The following LMX1A variants were observed in gnomAD, a reference collection of about 807,000 sequenced individuals.
The protein encoded by LMX1A is LIM homeobox transcription factor 1 alpha, also known as LIM homeobox transcription factor 1-alpha.
LMX1A carries 15 observed loss-of-function variants against 49.1 expected under a neutral mutation model. The ratio of observed to expected loss-of-function variants is 0.31; its 90% confidence interval spans 0.20 to 0.47. The LOEUF (loss-of-function observed/expected upper bound fraction) is 0.47, where lower values mean the gene tolerates loss of function less well. Among genes scored for constraint, LMX1A ranks in the 20% least tolerant of loss-of-function variants. The pLI is 1.00. For missense variants in LMX1A, 372 were observed against 475.8 expected, an observed-to-expected ratio of 0.78 and a Z score of 2.03; for synonymous variants, 167 against 185.7, an observed-to-expected ratio of 0.90 and a Z score of 0.82.
At chr1:165,318,481 T>C (rs1655285133) in intron 3 of LMX1A, among the ~76,000 whole-genome samples, 1 of 151,212 alleles carries the variant, frequency 6.6e-6, no homozygotes, top group Non-Finnish European at 1.5e-5. Context: ...AATTTTTTTT[T>C]CTCTGAGGAC....
intron 7 of LMX1A, among the ~76,000 whole-genome samples, chr1:165,207,048 G>T (rs543384360): frequency 6.6e-6 from 1 of 152,260 alleles, no homozygotes; most frequent in South Asian, 2.1e-4. Context: ...GTGGTCCACA[G>T]ATTTCAAAGT....
chr1:165,239,940 G>T (rs893766862), intron 4 of LMX1A, among the ~76,000 whole-genome samples: 2 of 152,180 alleles, frequency 1.3e-5, no homozygotes, highest in Non-Finnish European at 2.9e-5. Flanking sequence ...GACATTTAAG[G>T]AATTTATACC....
intron 4 of LMX1A, among the ~76,000 whole-genome samples, chr1:165,223,008 A>G (rs1416317931): frequency 6.6e-6 from 1 of 151,752 alleles, no homozygotes; most frequent in African/African-American, 2.4e-5. Context: ...GCTAATGAAT[A>G]CAGAGTTTCT....
intron 4 of LMX1A, among the ~76,000 whole-genome samples, chr1:165,247,655 C>G (rs939767110): frequency 3.3e-5 from 5 of 152,224 alleles, no homozygotes; most frequent in Non-Finnish European, 7.3e-5. Context: ...GAGCCGAACA[C>G]GGCTGCTACA....
At chr1:165,345,602 T>C (rs990720732) in intron 3 of LMX1A, among the ~76,000 whole-genome samples, 5 of 152,158 alleles carry the variant, frequency 3.3e-5, no homozygotes, top group African/African-American at 9.7e-5. Context: ...GAAAGGTTTT[T>C]AGAGGCCCGT....
At position 165,222,237 on chromosome 1, in the gene LMX1A, G is replaced by T. The variant is rs552146206; in HGVS notation, c.497-8424C>A. Among the ~76,000 whole-genome samples the T allele has an allele frequency of 3.9e-5, 6 of 152,246 alleles. No individual in the cohort carries two copies. The South Asian group carries it at 8.3e-4, about 21-fold the overall frequency. On this transcript the variant is annotated intron_variant, in intron 4 of 8. Transcript: ENST00000342310. ...TTTGATTTGGCCAGCCTCCAAGAAG[G>T]AGACTGTAGAGCTCATAACAAGTCG...
At chr1:165,233,975 T>C (rs752614990) in intron 4 of LMX1A, among the ~76,000 whole-genome samples, 10 of 152,196 alleles carry the variant, frequency 6.6e-5, no homozygotes, top group Non-Finnish European at 1.0e-4. Context: ...CCACTTTCCC[T>C]GCCTGCAATG....
chr1:165,242,016 T>C (rs989370185), intron 4 of LMX1A, among the ~76,000 whole-genome samples: 1 of 152,218 alleles, frequency 6.6e-6, no homozygotes, highest in Non-Finnish European at 1.5e-5. Flanking sequence ...GTGAGGAATC[T>C]TCTTTCTGGC....
intron 3 of LMX1A, among the ~76,000 whole-genome samples, chr1:165,318,330 G>T (rs1413023529): frequency 6.6e-6 from 1 of 152,164 alleles, no homozygotes; most frequent in African/African-American, 2.4e-5. Context: ...CACTCCACAA[G>T]CATCCTCCCA....
chr1:165,278,044 A>G (rs2101702873), intron 3 of LMX1A, among the ~76,000 whole-genome samples: 1 of 152,312 alleles, frequency 6.6e-6, no homozygotes, highest in African/African-American at 2.4e-5. Flanking sequence ...TGGATAGGAG[A>G]TATAAATTGT....
chr1:165,259,487 A>G (rs1653359681), intron 3 of LMX1A, among the ~76,000 whole-genome samples: 1 of 152,166 alleles, frequency 6.6e-6, no homozygotes, highest in Non-Finnish European at 1.5e-5. Context: ...TCCCCACATC[A>G]TTTTGGTTCT....
At chr1:165,253,831 C>G (rs148658068) in intron 3 of LMX1A, among the ~76,000 whole-genome samples, 2 of 152,148 alleles carry the variant, frequency 1.3e-5, no homozygotes, top group Non-Finnish European at 2.9e-5. Context: ...TCCAGCTGCC[C>G]TTCCCCTGTC....
At chr1:165,312,217 A>G (rs895625192) in intron 3 of LMX1A, among the ~76,000 whole-genome samples, 2 of 152,180 alleles carry the variant, frequency 1.3e-5, no homozygotes, top group Non-Finnish European at 2.9e-5. Context: ...AGGAAGAGTT[A>G]TTGCTGTGTA....
intron 3 of LMX1A, among the ~76,000 whole-genome samples, chr1:165,251,896 G>A (rs1213578743): frequency 1.3e-5 from 2 of 152,128 alleles, no homozygotes; most frequent in African/African-American, 4.8e-5. Context: ...AATATGAAAA[G>A]TGGTGGGCAC....
At chr1:165,216,054 G>A (rs1386682397) in intron 4 of LMX1A, 2 of 152,170 alleles carry the variant, frequency 1.3e-5, no homozygotes, top group Non-Finnish European at 2.9e-5. Flanking sequence ...GATTAAAGAA[G>A]AGAGTTAAAG....
chr1:165,355,792 A>G lies in LMX1A; in HGVS notation c.-22-211T>C. 1.8e-6 allele frequency: 1 copy of G among 564,028 alleles called. No homozygotes were observed. The highest frequency in any genetic ancestry group is 3.2e-6 in the Non-Finnish European group (1 of 316,490). 34.9% of individuals were successfully genotyped at this position (564,028 alleles called of 1,614,324 possible). On this transcript the variant is annotated intron_variant, in intron 1 of 8. Coordinates refer to ENST00000342310, the MANE Select transcript of LMX1A (RefSeq NM_177398.4). This position sits in a 1 kb window ranked among gnomAD's most constrained non-coding sequence, Gnocchi z 4.7. ...TGATCTGATTTCACTTGAAGTCAAC[A>G]CGTTATGTACTTAGGCCTCCGCCCC... is the stretch of plus-strand genomic sequence containing the variant.
At chr1:165,295,187 A>T (rs1317127037) in intron 3 of LMX1A, among the ~76,000 whole-genome samples, 6 of 152,080 alleles carry the variant, frequency 3.9e-5, no homozygotes, top group African/African-American at 9.7e-5. Flanking sequence ...AAGTGTTCAC[A>T]GTAATTGTTA....
chr1:165,321,702 T>C (rs1655390270), intron 3 of LMX1A, among the ~76,000 whole-genome samples: 1 of 152,204 alleles, frequency 6.6e-6, no homozygotes, highest in African/African-American at 2.4e-5. Flanking sequence ...GACTTGGCAA[T>C]GGCTTCTTGG....
chr1:165,341,866 T>C (rs1400294476), intron 3 of LMX1A, among the ~76,000 whole-genome samples: 2 of 152,220 alleles, frequency 1.3e-5, no homozygotes, highest in Non-Finnish European at 2.9e-5. Flanking sequence ...GATGATTAAA[T>C]GAATGAATGA....
Sources: gnomAD v4.1 joint callset for allele counts (sites outside exome capture counted in the v4.1 genomes callset) on GRCh38, gnomAD v4.1.1 for gene constraint, Gnocchi (gnomAD v3.1) non-coding constraint, MANE v1.5 for transcripts, NCBI Gene and HGNC (gene_info 2026-07-23, HGNC 2026-07-21) for gene names.